The following MFSD2A variants were observed in gnomAD, a reference collection of about 807,000 sequenced individuals.
The protein encoded by MFSD2A is sodium-dependent lysophosphatidylcholine symporter 1.
A neutral mutation model predicts 64.7 loss-of-function variants in MFSD2A; 27 were observed. The observed-to-expected ratio is 0.42, with a 90% CI of 0.31 to 0.58. The LOEUF (loss-of-function observed/expected upper bound fraction) is 0.58, where lower values mean the gene tolerates loss of function less well. Ranked by LOEUF, MFSD2A falls within the 20% of genes least tolerant of loss-of-function variation. The pLI, the probability that MFSD2A is intolerant of heterozygous loss-of-function variation, is 0.18. For missense variants in MFSD2A, 474 were observed against 679.5 expected (o/e 0.70, Z 3.36); for synonymous variants, 258 against 273.4 (o/e 0.94, Z 0.55).
rs548829968 is a variant in MFSD2A at position 39,957,282 on chromosome 1, C to T, written c.228+61C>T. The T allele has an allele frequency of 1.0e-5, 15 of 1,470,862 alleles. No homozygotes were observed. In the South Asian group the frequency reaches 2.1e-4, roughly 21 times the overall value. 91.1% of individuals were successfully genotyped at this position (1,470,862 alleles called of 1,614,324 possible). A position where few individuals can be genotyped will look rare whatever the true frequency, so the allele number is the denominator to read the frequency against. On this transcript the variant is annotated intron_variant, in intron 2 of 13. Transcript: ENST00000372811. ...TCCTGAGGTGGGAAAGACTATGCAC[C>T]CCTGGGTCAGTTCGCTCAGTTTTCC...
In MFSD2A at chr1:39,965,119, C is replaced by G. The variant is rs1282202781; in HGVS notation, c.354-92C>G. 9.7e-6 allele frequency: 15 copies of G among 1,548,658 alleles called. No homozygotes were observed. The highest frequency in any genetic ancestry group is 1.2e-5 in the Non-Finnish European group (14 of 1,136,290). ...AGGAAGGAAGAGCTTAGCTTCCTTCCCTGTGGGGACCCTGTGAGGCACAGC... is the reference window on the plus strand; with the variant it reads ...AGGAAGGAAGAGCTTAGCTTCCTTCGCTGTGGGGACCCTGTGAGGCACAGC... On this transcript the variant is annotated intron_variant, in intron 3 of 13. Transcript: ENST00000372811. The surrounding 1 kb of genome is among the most constrained non-coding windows in gnomAD (Gnocchi z 5.5).
At chr1:39,956,012 C>T (rs1397681311) in intron 1 of MFSD2A, among the ~76,000 whole-genome samples, 1 of 152,164 alleles carries the variant, frequency 6.6e-6, no homozygotes, top group African/African-American at 2.4e-5. Context: ...GCAATAGATA[C>T]CTTCGTGGGA....
chr1:39,967,390 C>A, intron 9 of MFSD2A: 1 of 625,864 alleles, frequency 1.6e-6, no homozygotes, highest in Non-Finnish European at 2.8e-6. Context: ...AAAGCAAGGG[C>A]GAGGACACCA....
At position 39,963,461 on chromosome 1, in the gene MFSD2A, G is replaced by A. The variant is rs996097596; in HGVS notation, c.354-1750G>A. ...AGCCTGTTAAAAAAAAAATGTTTACGAGACAGAGTCTTGCTATGTTGCACA... is the reference window on the plus strand; with the variant it reads ...AGCCTGTTAAAAAAAAAATGTTTACAAGACAGAGTCTTGCTATGTTGCACA... On this transcript the variant is annotated intron_variant, in intron 3 of 13. Coordinates refer to ENST00000372811, the MANE Select transcript of MFSD2A (RefSeq NM_032793.5). This position sits in a 1 kb window ranked among gnomAD's most constrained non-coding sequence, Gnocchi z 4.2. The A allele has an allele frequency of 3.7e-6, 2 of 542,610 alleles. No individual in the cohort carries two copies. Among genetic ancestry groups the A allele is most frequent in the South Asian group, 2.5e-5 (1 of 39,824 alleles). 33.6% of individuals were successfully genotyped at this position (542,610 alleles called of 1,614,324 possible).
chr1:39,966,495 G>A, intron 6 of MFSD2A, 106 bp from the exon 7 acceptor site: 1 of 881,584 alleles, frequency 1.1e-6, no homozygotes, highest in Non-Finnish European at 1.8e-6. Flanking sequence ...TACGCTCCCA[G>A]AGGGGAGGGG....
chr1:39,965,375 G>A lies in MFSD2A; in HGVS notation c.477+41G>A. On this transcript the variant is annotated intron_variant, in intron 4 of 13. Coordinates refer to ENST00000372811, the MANE Select transcript of MFSD2A (RefSeq NM_032793.5). The surrounding 1 kb of genome is among the most constrained non-coding windows in gnomAD (Gnocchi z 5.5). ...TCCCTTGGGTGTCTCTAGGGGCCGG[G>A]AGGAGGGCGGTCCTTGGGGCCCCCA... 1 of 1,613,682 alleles carries A rather than the reference G, an allele frequency of 6.2e-7. No individual in the cohort carries two copies. The highest frequency in any genetic ancestry group is 8.5e-7 in the Non-Finnish European group (1 of 1,179,798).
Position 39,960,316 on chromosome 1 carries a change from C to T in MFSD2A, c.353+1491C>T, listed in dbSNP as rs1476011342. Among the ~76,000 whole-genome samples, 7 of 152,250 alleles carry T rather than the reference C, an allele frequency of 4.6e-5. No homozygotes were observed. The highest frequency in any genetic ancestry group is 1.3e-4 in the Admixed American group (2 of 15,294). ...CCCAGGGGCGCCCATACCTGGCCTC[C>T]GGCCTTCAAAGCTCTTCCCGCAACC... On this transcript the variant is annotated intron_variant, in intron 3 of 13. Transcript: ENST00000372811. The surrounding 1 kb of genome is among the most constrained non-coding windows in gnomAD (Gnocchi z 4.8).
rs1247716715 is a variant in MFSD2A, at chr1:39,958,697, C to G, written c.229-4C>G. On this transcript the variant is annotated splice_polypyrimidine_tract_variant and splice_region_variant and intron_variant, in intron 2 of 13. Coordinates refer to ENST00000372811, the MANE Select transcript of MFSD2A (RefSeq NM_032793.5). The surrounding 1 kb of genome is among the most constrained non-coding windows in gnomAD (Gnocchi z 4.7). ...AAGTTGTCTTTTGCTTCTCCTCATTCCAGGTGGGCCCTTTCTCTGCCTCCA... is the reference window on the plus strand; with the variant it reads ...AAGTTGTCTTTTGCTTCTCCTCATTGCAGGTGGGCCCTTTCTCTGCCTCCA... The G allele has an allele frequency of 6.2e-7, 1 of 1,614,132 alleles. No individual in the cohort carries two copies. Among genetic ancestry groups the G allele is most frequent in the Admixed American group, 1.7e-5 (1 of 60,002 alleles).
rs748531172 is a variant in MFSD2A at position 39,965,262 on chromosome 1, C to T, written c.405C>T (p.Phe135=). The T allele has an allele frequency of 1.1e-5, 18 of 1,613,996 alleles. No individual in the cohort carries two copies. In the Admixed American group the frequency reaches 2.0e-4, roughly 18 times the overall value. The change falls in exon 4 of 14, where the codon TTC becomes TTT. Residue 135 remains phenylalanine, a synonymous_variant. Transcript: ENST00000372811. This position sits in a 1 kb window ranked among gnomAD's most constrained non-coding sequence, Gnocchi z 5.5. ...LAVIAYFLIW[F]VPDFPHGQTY... is the part of the protein sequence containing the mutation. ...TCATTGCCTACTTCCTCATCTGGTT[C>T]GTGCCCGACTTCCCACACGGCCAGA...
rs972091412 is a variant in MFSD2A, at chr1:39,966,351, A to G, written c.715-250A>G. 1.5e-4 allele frequency among the ~76,000 whole-genome samples: 23 copies of G among 152,050 alleles called. 1 individual carries two copies. The highest frequency in any genetic ancestry group is 4.8e-4 in the African/African-American group (20 of 41,402). Reference sequence around the variant, plus strand: ...TGCCAAGTTGCCCAGGCTGGTTTCAAACTCCTGGGATTACAGGTGTGAGGG... The same window carrying G: ...TGCCAAGTTGCCCAGGCTGGTTTCAGACTCCTGGGATTACAGGTGTGAGGG... On this transcript the variant is annotated intron_variant, in intron 6 of 13. Coordinates refer to ENST00000372811, the MANE Select transcript of MFSD2A (RefSeq NM_032793.5).
chr1:39,961,955 C>T (rs1645053319), intron 3 of MFSD2A, among the ~76,000 whole-genome samples: 3 of 152,346 alleles, frequency 2.0e-5, no homozygotes, highest in Non-Finnish European at 1.5e-5. Flanking sequence ...TCTACAGCTC[C>T]CCTGGTGTGG....
At position 39,955,451 on chromosome 1, in the gene MFSD2A, C is replaced by G; in HGVS notation, c.93+66C>G. On this transcript the variant is annotated intron_variant, in intron 1 of 13. Coordinates refer to ENST00000372811, the MANE Select transcript of MFSD2A (RefSeq NM_032793.5). The surrounding 1 kb of genome is among the most constrained non-coding windows in gnomAD (Gnocchi z 5.9). ...GGAGGCGGAAATGGGGGATCAGGGG[C>G]GTCCCGGGGTCGGCCTGGTCAGGGG... 1 of 1,468,550 alleles carries G rather than the reference C, an allele frequency of 6.8e-7. No individual in the cohort carries two copies. Among genetic ancestry groups the G allele is most frequent in the Non-Finnish European group, 9.2e-7 (1 of 1,086,868 alleles). The allele number at this position is 1,468,550 out of a possible 1,614,324, so 91.0% of individuals were successfully genotyped here.
At chr1:39,956,988 T>C (rs1644944430) in intron 1 of MFSD2A, 99 bp from the exon 2 acceptor site, 5 of 1,363,194 alleles carry the variant, frequency 3.7e-6, no homozygotes, top group Non-Finnish European at 5.1e-6. Flanking sequence ...CAGAGTTGTT[T>C]GTTCTGGTAG....
chr1:39,959,745 G>A (rs1644995346), intron 3 of MFSD2A, among the ~76,000 whole-genome samples: 1 of 152,156 alleles, frequency 6.6e-6, no homozygotes, highest in Non-Finnish European at 1.5e-5. Context: ...TAAGGTTGAT[G>A]TAATTTTGAG....
intron 6 of MFSD2A, 49 bp downstream of exon 6, chr1:39,966,063 G>A (rs932084893): frequency 6.3e-7 from 1 of 1,597,262 alleles, no homozygotes; most frequent in Non-Finnish European, 8.6e-7. Flanking sequence ...GAACAGTGAG[G>A]TGGTTTGTAG....
rs549451630 is a variant in MFSD2A at position 39,960,570 on chromosome 1, C to T, written c.353+1745C>T. ...AGTAGAAGGGGAGGCTCTGCTGCCACGTCGCCTCATGAGGCCCAGCCAATG... is the reference window on the plus strand; with the variant it reads ...AGTAGAAGGGGAGGCTCTGCTGCCATGTCGCCTCATGAGGCCCAGCCAATG... On this transcript the variant is annotated intron_variant, in intron 3 of 13. Transcript: ENST00000372811. This position sits in a 1 kb window ranked among gnomAD's most constrained non-coding sequence, Gnocchi z 4.8. 3.3e-5 allele frequency among the ~76,000 whole-genome samples: 5 copies of T among 152,368 alleles called. No individual in the cohort carries two copies. Among genetic ancestry groups the T allele is most frequent in the East Asian group, 1.9e-4 (1 of 5,174 alleles).
intron 3 of MFSD2A, among the ~76,000 whole-genome samples, chr1:39,961,916 C>A (rs1645052603): frequency 6.6e-6 from 1 of 152,218 alleles, no homozygotes; most frequent in South Asian, 2.1e-4. Flanking sequence ...AACAGCTGGA[C>A]CTGAGGTCTC....
At chr1:39,956,799 C>A (rs1300825410) in intron 1 of MFSD2A, among the ~76,000 whole-genome samples, 1 of 151,384 alleles carries the variant, frequency 6.6e-6, no homozygotes, top group African/African-American at 2.4e-5. Context: ...GCCTGTAGTC[C>A]CAGCTACTTG....
rs761444264 is a variant in MFSD2A at position 39,957,094 on chromosome 1, C to G, written c.101C>G (p.Pro34Arg). The G allele has an allele frequency of 1.2e-6, 2 of 1,613,960 alleles. No individual in the cohort carries two copies. The highest frequency in any genetic ancestry group is 1.7e-6 in the Non-Finnish European group (2 of 1,179,996). The change falls in exon 2 of 14, where the codon CCG (proline) becomes CGG (arginine). Residue 34 changes from proline to arginine, a missense_variant. Transcript: ENST00000372811. ...TTTTCCTCCTCTTCCCAGAAAGAAC[C>G]GAAAAAGAAGAAACAACAGTTGTCT... ...TERPAQVKKE[P>R]KKKKQQLSVC...
Sources: gnomAD v4.1 joint callset for allele counts (sites outside exome capture counted in the v4.1 genomes callset) on GRCh38, gnomAD v4.1.1 for gene constraint, Gnocchi (gnomAD v3.1) non-coding constraint, MANE v1.5 for transcripts, NCBI Gene and HGNC (gene_info 2026-07-23, HGNC 2026-07-21) for gene names.